The following ACAA2 variants were observed in gnomAD, a reference collection of about 807,000 sequenced individuals.
ACAA2 encodes acetyl-CoA acyltransferase 2, also known as 3-ketoacyl-CoA thiolase, mitochondrial.
In ACAA2, 35 loss-of-function variants were observed where a neutral mutation model predicts 44.8. The ratio of observed to expected loss-of-function variants is 0.78; its 90% CI spans 0.60 to 1.04. ACAA2 has a LOEUF of 1.04. ACAA2 is among the 50% of genes least tolerant of loss of function. The pLI is 0.00. For missense variants in ACAA2, 468 were observed against 482.6 expected (o/e 0.97, Z 0.28); for synonymous variants, 142 against 166.5 (o/e 0.85, Z 1.13).
At chr18:49,795,677 GTT>G (rs1232377275) in intron 4 of ACAA2, 86 bp downstream of exon 4, 1 of 736,062 alleles carries the variant, frequency 1.4e-6, no homozygotes, top group Non-Finnish European at 2.1e-6. Context: ...TTCAAAATTA[GTT>G]TTCTCTCCCA....
chr18:49,784,563 A>G (rs1468367963), intron 9 of ACAA2, among the ~76,000 whole-genome samples: 1 of 152,230 alleles, frequency 6.6e-6, no homozygotes, highest in Non-Finnish European at 1.5e-5. Context: ...ATTAAGTGAA[A>G]TAAGAGTCAC....
intron 7 of ACAA2, among the ~76,000 whole-genome samples, chr18:49,787,620 G>A (rs1485772673): frequency 1.3e-5 from 2 of 151,548 alleles, no homozygotes; most frequent in Non-Finnish European, 2.9e-5. Flanking sequence ...AGCCTCCTGG[G>A]CAACACAGCA....
intron 2 of ACAA2, among the ~76,000 whole-genome samples, chr18:49,798,997 T>C (rs1325598282): frequency 6.6e-6 from 1 of 152,188 alleles, no homozygotes; most frequent in Non-Finnish European, 1.5e-5. Context: ...GCTTTTCTAA[T>C]TGAGTTTAAT....
chr18:49,790,126 C>T (rs1375710883), intron 7 of ACAA2, among the ~76,000 whole-genome samples: 3 of 152,128 alleles, frequency 2.0e-5, no homozygotes, highest in Non-Finnish European at 2.9e-5. Flanking sequence ...TTAATTTTTC[C>T]ACCACCTTCC....
chr18:49,797,686 CA>C, intron 2 of ACAA2, 92 bp from the exon 3 acceptor site: 1 of 1,096,282 alleles, frequency 9.1e-7, no homozygotes, highest in Non-Finnish European at 1.3e-6. Context: ...GGCAATCTAT[CA>C]AAAATGATAA....
intron 4 of ACAA2, among the ~76,000 whole-genome samples, chr18:49,795,027 C>G (rs141892657): frequency 6.6e-6 from 1 of 152,152 alleles, no homozygotes; most frequent in Non-Finnish European, 1.5e-5. Context: ...ACTCACTGAC[C>G]TGTCTTCATA....
At chr18:49,802,324 G>T (rs1180794309) in intron 2 of ACAA2, among the ~76,000 whole-genome samples, 1 of 152,176 alleles carries the variant, frequency 6.6e-6, no homozygotes, top group Non-Finnish European at 1.5e-5. Context: ...AGCACTTTGG[G>T]GGGCCGAGAC....
intron 1 of ACAA2, among the ~76,000 whole-genome samples, chr18:49,811,130 A>G (rs2023665258): frequency 6.6e-6 from 1 of 151,820 alleles, no homozygotes; most frequent in Non-Finnish European, 1.5e-5. Flanking sequence ...AAAATTTCCC[A>G]AAACTGAAAG....
intron 3 of ACAA2, among the ~76,000 whole-genome samples, chr18:49,797,264 G>T (rs1278348606): frequency 8.1e-5 from 9 of 111,408 alleles, no homozygotes; most frequent in Non-Finnish European, 1.2e-4. Flanking sequence ...TTCATTATTA[G>T]CTTTTTTTTT....
At position 49,787,275 on chromosome 18, in the gene ACAA2, A is replaced by AC. The variant is rs2023343170; in HGVS notation, c.954+15_954+16insG. ...TTCATGTTGTTAAAAAAAAAAAAAA[A>AC]AAAAAAAACACTTACCTCTACCAAA... On this transcript the variant is annotated intron_variant, in intron 8 of 9. Transcript: ENST00000285093. 2.7e-6 allele frequency: 4 copies of AC among 1,462,516 alleles called. No individual in the cohort carries two copies. The highest frequency in any genetic ancestry group is 3.2e-5 in the Admixed American group (1 of 31,566). 90.6% of individuals were successfully genotyped at this position (1,462,516 alleles called of 1,614,324 possible).
In ACAA2 at chr18:49,782,234, T is replaced by C. The variant is rs1454095468; in HGVS notation, c.*1613A>G. 1 of 152,174 alleles carries C rather than the reference T, an allele frequency of 6.6e-6. No homozygotes were observed. Among genetic ancestry groups the C allele is most frequent in the African/African-American group, 2.4e-5 (1 of 41,440 alleles). 9.4% of individuals were successfully genotyped at this position (152,174 alleles called of 1,614,324 possible). A position where few individuals can be genotyped will look rare whatever the true frequency, so the allele number is the denominator to read the frequency against. On this transcript the variant is annotated 3_prime_UTR_variant, in exon 10 of 10. Coordinates refer to ENST00000285093, the MANE Select transcript of ACAA2 (RefSeq NM_006111.3). ...TTACTTTTTAATATTTTTATGACAGTAGAGGAAGCCTGCTGCTTCTCAGTA... is the reference window on the plus strand; with the variant it reads ...TTACTTTTTAATATTTTTATGACAGCAGAGGAAGCCTGCTGCTTCTCAGTA...
intron 9 of ACAA2, 106 bp from the exon 10 acceptor site, chr18:49,784,037 T>A (rs1270537894): frequency 3.4e-6 from 3 of 887,808 alleles, no homozygotes; most frequent in Admixed American, 2.0e-5. Flanking sequence ...TCAGCTCATC[T>A]GCTCAATCTT....
intron 1 of ACAA2, among the ~76,000 whole-genome samples, chr18:49,809,957 G>A (rs962685859): frequency 3.9e-5 from 6 of 152,104 alleles, no homozygotes; most frequent in East Asian, 1.9e-4. Flanking sequence ...TAGGGGAAAC[G>A]GACCGGGCAA....
chr18:49,784,028 C>G, intron 9 of ACAA2, 97 bp from the exon 10 acceptor site: 1 of 965,104 alleles, frequency 1.0e-6, no homozygotes, highest in Non-Finnish European at 1.6e-6. Flanking sequence ...CATCCTTATT[C>G]AGCTCATCTG....
At chr18:49,800,831 C>T (rs2143968884) in intron 2 of ACAA2, among the ~76,000 whole-genome samples, 1 of 95,642 alleles carries the variant, frequency 1.0e-5, no homozygotes, top group Non-Finnish European at 2.1e-5. Context: ...CTGACCTTCC[C>T]TCCACTATTG....
chr18:49,796,634 T>C (rs2143961764), intron 3 of ACAA2, among the ~76,000 whole-genome samples: 1 of 152,328 alleles, frequency 6.6e-6, no homozygotes, highest in African/African-American at 2.4e-5. Context: ...AACTAGTTTG[T>C]ACTTCTACTA....
chr18:49,794,351 G>A lies in ACAA2; in HGVS notation c.506C>T (p.Ala169Val). The change falls in exon 5 of 10, where the codon GCT (alanine) becomes GTT (valine). Residue 169 changes from alanine (A) to valine (V), a missense_variant. Coordinates refer to ENST00000285093, the MANE Select transcript of ACAA2 (RefSeq NM_006111.3). ...TTCTCTGCTTATTTTGTGTTTTACAGCAAGATTCTCTGCAGTCATTGCCAT... is the reference window on the plus strand; with the variant it reads ...TTCTCTGCTTATTTTGTGTTTTACAACAAGATTCTCTGCAGTCATTGCCAT... ...LPMAMTAENL[A>V]VKHKISREEC... is the part of the protein sequence containing the mutation. 1.2e-6 allele frequency: 2 copies of A among 1,611,134 alleles called. No individual in the cohort carries two copies. The highest frequency in any genetic ancestry group is 1.7e-6 in the Non-Finnish European group (2 of 1,179,442).
chr18:49,813,348 G>C, intron 1 of ACAA2, 121 bp downstream of exon 1: 2 of 770,288 alleles, frequency 2.6e-6, no homozygotes. Context: ...CTCCAAAACC[G>C]AGGAGGTTGA....
chr18:49,813,511 G>C lies in ACAA2; in HGVS notation c.-27C>G. The C allele has an allele frequency of 2.4e-6, 3 of 1,239,376 alleles. No individual in the cohort carries two copies. Among genetic ancestry groups the C allele is most frequent in the East Asian group, 6.3e-5 (2 of 31,664 alleles). The allele number at this position is 1,239,376 out of a possible 1,614,324, so 76.8% of individuals were successfully genotyped here. Reference sequence around the variant, plus strand: ...GCGGCTGCTGGGTCGTCGGCGGCGCGGGTCTGTGGTGTGGGGGACGCTGAG... The same window carrying C: ...GCGGCTGCTGGGTCGTCGGCGGCGCCGGTCTGTGGTGTGGGGGACGCTGAG... On this transcript the variant is annotated 5_prime_UTR_variant, in exon 1 of 10. Transcript: ENST00000285093.
Sources: allele counts gnomAD v4.1 joint callset (sites outside exome capture counted in the v4.1 genomes callset), GRCh38; gene constraint gnomAD v4.1.1; transcripts MANE v1.5; gene names NCBI Gene and HGNC (gene_info 2026-07-23, HGNC 2026-07-21).